PLEKHG3: variants seen among roughly 807,000 people sequenced by gnomAD.
PLEKHG3 encodes the protein pleckstrin homology domain-containing family G member 3.
In PLEKHG3, 62 loss-of-function variants were observed where a neutral mutation model predicts 94.9. The ratio of observed to expected loss-of-function variants is 0.65; its 90% CI spans 0.53 to 0.81. The LOEUF (loss-of-function observed/expected upper bound fraction) is 0.81. Among genes scored for constraint, PLEKHG3 ranks in the 30% least tolerant of loss-of-function variants. The pLI is 0.00. For missense variants in PLEKHG3, 1,461 were observed against 1,619.3 expected (o/e 0.90, Z 1.68); for synonymous variants, 614 against 654.0 (o/e 0.94, Z 0.93).
chr14:64,742,561 C>A, intron 16 of PLEKHG3, 106 bp downstream of exon 16: 4 of 832,558 alleles, frequency 4.8e-6, no homozygotes, highest in Non-Finnish European at 7.3e-6. Flanking sequence ...GAGGCTCTAC[C>A]AAAGGGAGAA....
rs1227739543 is a variant in PLEKHG3 at position 64,738,116 on chromosome 14, G to A, written c.1405-626G>A. 7.7e-7 allele frequency: 1 copy of A among 1,302,610 alleles called. No individual in the cohort carries two copies. Among genetic ancestry groups the A allele is most frequent in the Non-Finnish European group, 1.0e-6 (1 of 996,292 alleles). 80.7% of individuals were successfully genotyped at this position (1,302,610 alleles called of 1,614,324 possible). ...AGGAGGAGGAGGAGGAGCAGGAGGA[G>A]AGCCTGGCGGTGGCGGAGCAGGTAG... On this transcript the variant is annotated intron_variant, in intron 14 of 16. Transcript: ENST00000247226. This position sits in a 1 kb window ranked among gnomAD's most constrained non-coding sequence, Gnocchi z 4.8.
intron 1 of PLEKHG3, among the ~76,000 whole-genome samples, chr14:64,706,827 C>T (rs747808259): frequency 1.4e-4 from 21 of 152,252 alleles, no homozygotes; most frequent in Non-Finnish European, 2.9e-4. Context: ...ATGCCTTGCC[C>T]GTTCTCTTCT....
intron 1 of PLEKHG3, among the ~76,000 whole-genome samples, chr14:64,713,102 T>G (rs1358672500): frequency 6.6e-6 from 1 of 152,198 alleles, no homozygotes; most frequent in Admixed American, 6.5e-5. Flanking sequence ...ACCTGAATTA[T>G]TTTAATTAAT....
In PLEKHG3 at chr14:64,731,927, A is replaced by G; in HGVS notation, c.1125+121A>G. The G allele has an allele frequency of 5.7e-6, 5 of 872,454 alleles. No homozygotes were observed. The South Asian group carries it at 6.9e-5, about 12-fold the overall frequency. 54.0% of individuals were successfully genotyped at this position (872,454 alleles called of 1,614,324 possible). A position where few individuals can be genotyped will look rare whatever the true frequency, so the allele number is the denominator to read the frequency against. ...GCCCCAGTGTCTCCATCTGTGAGGCAAGGATCATTGCAGGCACCTCTCAGG... is the reference window on the plus strand; with the variant it reads ...GCCCCAGTGTCTCCATCTGTGAGGCGAGGATCATTGCAGGCACCTCTCAGG... On this transcript the variant is annotated intron_variant, in intron 9 of 16. Coordinates refer to ENST00000247226, the MANE Select transcript of PLEKHG3 (RefSeq NM_001308147.2). The surrounding 1 kb of genome is among the most constrained non-coding windows in gnomAD (Gnocchi z 6.1).
intron 1 of PLEKHG3, among the ~76,000 whole-genome samples, chr14:64,713,034 A>AT (rs998162488): frequency 2.0e-5 from 3 of 151,934 alleles, no homozygotes; most frequent in Admixed American, 6.6e-5. Context: ...TTTTGTCAAA[A>AT]TTTTTTTCTG....
chr14:64,731,707 C>T lies in PLEKHG3; in HGVS notation c.1033-7C>T. ...TGTGCTTGACTGTCCTTTCCCTCTG[C>T]CCCTAGTGCTCCTCCCTGATGCTGA... On this transcript the variant is annotated splice_polypyrimidine_tract_variant and splice_region_variant and intron_variant, in intron 8 of 16. Transcript: ENST00000247226. This position sits in a 1 kb window ranked among gnomAD's most constrained non-coding sequence, Gnocchi z 6.1. 1 of 1,607,000 alleles carries T rather than the reference C, an allele frequency of 6.2e-7. No homozygotes were observed.
intron 13 of PLEKHG3, 39 bp downstream of exon 13, chr14:64,736,930 G>C (rs777396638): frequency 6.9e-7 from 1 of 1,444,994 alleles, no homozygotes; most frequent in African/African-American, 1.4e-5. Context: ...CAGTGAGCGG[G>C]GGAGGAGGAG....
Position 64,732,818 on chromosome 14 carries a change from G to A in PLEKHG3, c.1262G>A (p.Arg421His), listed in dbSNP as rs779015472. 1.6e-5 allele frequency: 25 copies of A among 1,607,630 alleles called. No individual in the cohort carries two copies. Among genetic ancestry groups the A allele is most frequent in the African/African-American group, 4.0e-5 (3 of 74,886 alleles). ...EMDSYYPNRY[R>H]CSPERLKKAW... ...CTGGGTGCAGATCCCAATCGGTACC[G>A]CTGCAGCCCAGAGCGGCTGAAGAAG... Residue 421 changes from arginine (R) to histidine (H), a missense_variant, in exon 12 of 17, where the codon CGC (arginine) becomes CAC (histidine). Transcript: ENST00000247226. The surrounding 1 kb of genome is among the most constrained non-coding windows in gnomAD (Gnocchi z 4.9).
chr14:64,714,542 T>C (rs551663469), intron 1 of PLEKHG3, among the ~76,000 whole-genome samples: 3 of 152,348 alleles, frequency 2.0e-5, no homozygotes, highest in South Asian at 4.1e-4. Flanking sequence ...TACTGGAATG[T>C]AAGCTCCATG....
rs753249410 is a variant in PLEKHG3 at position 64,732,858 on chromosome 14, G to A, written c.1302G>A (p.Gln434=). The change falls in exon 12 of 17, where the codon CAG becomes CAA. Residue 434 remains glutamine (Q), a synonymous_variant. Coordinates refer to ENST00000247226, the MANE Select transcript of PLEKHG3 (RefSeq NM_001308147.2). The surrounding 1 kb of genome is among the most constrained non-coding windows in gnomAD (Gnocchi z 4.9). The part of the protein sequence containing the change: ...PERLKKAWSS[Q]DEVSTNVRQG... ...GGCTGAAGAAGGCTTGGTCCTCCCA[G>A]GATGAGGTGTCCACCAATGTGCGCC... 10 of 1,611,116 alleles carry A rather than the reference G, an allele frequency of 6.2e-6. No homozygotes were observed. Among genetic ancestry groups the A allele is most frequent in the African/African-American group, 1.3e-5 (1 of 74,932 alleles).
chr14:64,740,326 G>A (rs79707243), intron 15 of PLEKHG3, among the ~76,000 whole-genome samples: 9,394 of 152,288 alleles, frequency 0.062, 349 homozygotes, highest in African/African-American at 0.073. Flanking sequence ...GGAAAGCCGC[G>A]TATGTCATCA....
At position 64,725,544 on chromosome 14, in the gene PLEKHG3, T is replaced by G. The variant is rs1467901265; in HGVS notation, c.-39-2049T>G. Among the ~76,000 whole-genome samples, 3 of 152,172 alleles carry G rather than the reference T, an allele frequency of 2.0e-5. No individual in the cohort carries two copies. Among genetic ancestry groups the G allele is most frequent in the African/African-American group, 7.2e-5 (3 of 41,424 alleles). ...CTGGTTCTGTAAAAGGCATAGCTGA[T>G]TAATTGTAAAGGCCCTTTTGAGGAG... On this transcript the variant is annotated intron_variant, in intron 1 of 16. Coordinates refer to ENST00000247226, the MANE Select transcript of PLEKHG3 (RefSeq NM_001308147.2). The surrounding 1 kb of genome is among the most constrained non-coding windows in gnomAD (Gnocchi z 5.0).
chr14:64,731,607 C>T lies in PLEKHG3; in HGVS notation c.1032+64C>T, dbSNP rs564953585. ...TCCTTCCCAAAGGATCTGGGCTCCCCTTCTTGTCTGCTTCTTGGGGCTCCA... is the reference window on the plus strand; with the variant it reads ...TCCTTCCCAAAGGATCTGGGCTCCCTTTCTTGTCTGCTTCTTGGGGCTCCA... On this transcript the variant is annotated intron_variant, in intron 8 of 16. Coordinates refer to ENST00000247226, the MANE Select transcript of PLEKHG3 (RefSeq NM_001308147.2). The surrounding 1 kb of genome is among the most constrained non-coding windows in gnomAD (Gnocchi z 6.1). 3.4e-5 allele frequency: 53 copies of T among 1,562,748 alleles called. 2 individuals are homozygous for T. The South Asian group carries it at 4.8e-4, about 14-fold the overall frequency.
At chr14:64,736,392 C>T (rs997235821) in intron 12 of PLEKHG3, among the ~76,000 whole-genome samples, 17 of 152,232 alleles carry the variant, frequency 1.1e-4, no homozygotes, top group African/African-American at 3.6e-4. Flanking sequence ...CTCTGCTTTC[C>T]AGCTGGGATG....
rs1028137973 is a variant in PLEKHG3 at position 64,738,746 on chromosome 14, A to G, written c.1409A>G (p.Lys470Arg). Residue 470 changes from lysine to arginine, a missense_variant, in exon 15 of 17, where the codon AAG becomes AGG. Around this residue, in one of 3 missense-constraint regions of PLEKHG3, gnomAD observed 1,201 missense variants for 1,295.5 expected, o/e 0.93. Coordinates refer to ENST00000247226, the MANE Select transcript of PLEKHG3 (RefSeq NM_001308147.2). The surrounding 1 kb of genome is among the most constrained non-coding windows in gnomAD (Gnocchi z 4.8). The stretch of plus-strand genomic sequence containing the variant: ...GACTGACCTCTACCTCTGCAGGGAA[A>G]GGGGCGCAGGGAGTCTGAAAGCTCC... Reference protein sequence around the residue: ...EKARAAGMKGKGRRESESSRS... With the variant: ...EKARAAGMKGRGRRESESSRS... 1.3e-6 allele frequency: 2 copies of G among 1,578,948 alleles called. No homozygotes were observed. Among genetic ancestry groups the G allele is most frequent in the African/African-American group, 2.7e-5 (2 of 74,100 alleles).
rs1286761734 is a variant in PLEKHG3 at position 64,732,458 on chromosome 14, A to G, written c.1244A>G (p.Tyr415Cys). 1.9e-6 allele frequency: 3 copies of G among 1,612,794 alleles called. No homozygotes were observed. Among genetic ancestry groups the G allele is most frequent in the Non-Finnish European group, 2.5e-6 (3 of 1,178,852 alleles). ...GAAGCCATCTTGGAAATGGATTCCT[A>G]TTGTAAGTGTACCCTTTTCTGCCTG... Reference protein sequence around the residue: ...AKEAILEMDSYYPNRYRCSPE... With the variant: ...AKEAILEMDSCYPNRYRCSPE... The change falls in exon 11 of 17, where the codon TAT becomes TGT. Residue 415 changes from tyrosine (Y) to cysteine (C), a missense_variant and splice_region_variant. Physicochemically the swap from Tyr to Cys is radical, Grantham distance 194. Transcript: ENST00000247226. This position sits in a 1 kb window ranked among gnomAD's most constrained non-coding sequence, Gnocchi z 4.9.
rs949769091 is a variant in PLEKHG3 at position 64,715,374 on chromosome 14, GAC to G, written c.-40+10671_-40+10672del. Among the ~76,000 whole-genome samples the G allele has an allele frequency of 6.6e-6, 1 of 152,182 alleles. No individual in the cohort carries two copies. Among genetic ancestry groups the G allele is most frequent in the African/African-American group, 2.4e-5 (1 of 41,438 alleles). On this transcript the variant is annotated intron_variant, in intron 1 of 16. Transcript: ENST00000247226. The surrounding 1 kb of genome is among the most constrained non-coding windows in gnomAD (Gnocchi z 4.4). ...CAAACCCTGGCTCCTCTACTTCCCT[GAC>G]TGTATGGCCCTGGGTACCAGAGTGT...
rs1218662142 is a variant in PLEKHG3, at chr14:64,739,653, G to A, written c.1518+798G>A. Among the ~76,000 whole-genome samples the A allele has an allele frequency of 6.6e-6, 1 of 152,216 alleles. No homozygotes were observed. The highest frequency in any genetic ancestry group is 1.5e-5 in the Non-Finnish European group (1 of 68,040). On this transcript the variant is annotated intron_variant, in intron 15 of 16. Coordinates refer to ENST00000247226, the MANE Select transcript of PLEKHG3 (RefSeq NM_001308147.2). This position sits in a 1 kb window ranked among gnomAD's most constrained non-coding sequence, Gnocchi z 4.1. ...TAGCTTAGTTATTGCTCACAGTTTTGGAGGCTGGAAATTCTAAGGTCAAGA... is the reference window on the plus strand; with the variant it reads ...TAGCTTAGTTATTGCTCACAGTTTTAGAGGCTGGAAATTCTAAGGTCAAGA...
At position 64,730,860 on chromosome 14, in the gene PLEKHG3, C is replaced by T. The variant is rs769014906; in HGVS notation, c.628C>T (p.Arg210Trp). The part of the protein sequence containing the change: ...DKQQAKFFRD[R>W]QELLQHSLPL... ...GCAGCAGGCCAAGTTCTTTCGGGAC[C>T]GGCAGGAGCTGCTACAGCACTCGCT... The change falls in exon 6 of 17, where the codon CGG becomes TGG. Residue 210 changes from arginine (R) to tryptophan (W), a missense_variant. Physicochemically the swap from Arg to Trp is moderately radical, Grantham distance 101 (BLOSUM62 -3). This residue lies in a region of PLEKHG3 where 253 missense variants were observed against 297.8 expected (regional missense o/e 0.85). Coordinates refer to ENST00000247226, the MANE Select transcript of PLEKHG3 (RefSeq NM_001308147.2). This position sits in a 1 kb window ranked among gnomAD's most constrained non-coding sequence, Gnocchi z 5.4. 8 of 1,613,064 alleles carry T rather than the reference C, an allele frequency of 5.0e-6. No homozygotes were observed. Among genetic ancestry groups the T allele is most frequent in the African/African-American group, 1.3e-5 (1 of 74,904 alleles).
Sources: allele counts gnomAD v4.1 joint callset (sites outside exome capture counted in the v4.1 genomes callset), GRCh38; gene constraint gnomAD v4.1.1; regional missense constraint gnomAD v4.1.1; non-coding constraint Gnocchi (gnomAD v3.1); transcripts MANE v1.5; gene names NCBI Gene and HGNC (gene_info 2026-07-23, HGNC 2026-07-21).